The following XIST variants were observed in gnomAD, a reference collection of about 807,000 sequenced individuals.
XIST encodes X inactive specific transcript.
At chrX:73,841,390 A>C in exon 1 of XIST, 1 of 519,469 alleles carries the variant, frequency 1.9e-6, no homozygotes. Context: ...ACAGTATTCT[A>C]AAGAGCCAGA....
At chrX:73,833,290 C>G (rs1200466770) in exon 3 of XIST, 12 of 556,731 alleles carry the variant, frequency 2.2e-5, no homozygotes, top group Non-Finnish European at 3.9e-5. Flanking sequence ...TGGAGCTTGG[C>G]CAGATTCTCA....
exon 6 of XIST, chrX:73,825,346 G>A: frequency 1.8e-6 from 1 of 558,591 alleles, no homozygotes; most frequent in South Asian, 2.2e-5. Flanking sequence ...ATATCCTTTT[G>A]AAAGAGCACT....
At chrX:73,822,625 C>G (rs1466010727) in exon 6 of XIST, 5 of 516,081 alleles carry the variant, frequency 9.7e-6, no homozygotes, top group Non-Finnish European at 1.7e-5. Flanking sequence ...TAGGATTTAA[C>G]AAAATGGTTG....
At chrX:73,827,886 C>G in exon 6 of XIST, 1 of 527,929 alleles carries the variant, frequency 1.9e-6, no homozygotes, top group Non-Finnish European at 3.4e-6. Context: ...AAGGCACACA[C>G]GAAAGAAATT....
chrX:73,825,817 T>G (rs1922237409), exon 6 of XIST: 1 of 540,967 alleles, frequency 1.8e-6, no homozygotes, highest in Non-Finnish European at 3.3e-6. Flanking sequence ...GTTTTTCTCT[T>G]ATGTTTTACA....
exon 1 of XIST, chrX:73,851,876 T>C: frequency 1.8e-6 from 1 of 558,615 alleles, no homozygotes; most frequent in Non-Finnish European, 3.2e-6. Context: ...TGCAGAGTCA[T>C]TCTCTGCCAA....
At position 73,846,674 on chromosome X, in the gene XIST, G is replaced by A. The variant is rs774949228; in HGVS notation, n.6050C>T. 2.8e-4 allele frequency: 156 copies of A among 557,507 alleles called. 3 individuals are homozygous for A. The Admixed American group carries it at 3.4e-3, about 12-fold the overall frequency. The allele number at this position is 557,507 out of a possible 1,213,427, so 45.9% of individuals were successfully genotyped here. A position where few individuals can be genotyped will look rare whatever the true frequency, so the allele number is the denominator to read the frequency against. On this transcript the variant is annotated non_coding_transcript_exon_variant, in exon 1 of 6. Transcript: ENST00000429829. ...ACTTCCTGCTGGAAGGGAAAAGTGGGGATGAGGGGAGCACTTTCCTTCTCT... is the reference window on the plus strand; with the variant it reads ...ACTTCCTGCTGGAAGGGAAAAGTGGAGATGAGGGGAGCACTTTCCTTCTCT...
chrX:73,842,769 G>T (rs1245587083), exon 1 of XIST: 2 of 556,500 alleles, frequency 3.6e-6, no homozygotes, highest in Non-Finnish European at 6.5e-6. Context: ...AAAGGGCCTT[G>T]TCTGGTCAAC....
intron 5 of XIST, chrX:73,828,111 C>A (rs371610126): frequency 9.2e-6 from 4 of 435,093 alleles, no homozygotes; most frequent in Non-Finnish European, 1.2e-5. Context: ...CAAAAAGTGT[C>A]ATTAGTAATT....
exon 1 of XIST, chrX:73,850,070 T>C: frequency 1.8e-6 from 1 of 558,961 alleles, no homozygotes. Flanking sequence ...GATTAGTCAA[T>C]TAGTGCAGCA....
rs758886036 is a variant in XIST at position 73,847,283 on chromosome X, A to G, written n.5441T>C. ...GGATTCTACTCTAACATAGGGGCACATCAACTACTGCTAATTATGCGCATT... is the reference window on the plus strand; with the variant it reads ...GGATTCTACTCTAACATAGGGGCACGTCAACTACTGCTAATTATGCGCATT... On this transcript the variant is annotated non_coding_transcript_exon_variant, in exon 1 of 6. Transcript: ENST00000429829. The G allele has an allele frequency of 1.8e-5, 10 of 554,111 alleles. No individual in the cohort carries two copies. The South Asian group carries it at 2.3e-4, about 13-fold the overall frequency. The allele number at this position is 554,111 out of a possible 1,213,427, so 45.7% of individuals were successfully genotyped here. A position where few individuals can be genotyped will look rare whatever the true frequency, so the allele number is the denominator to read the frequency against.
exon 6 of XIST, chrX:73,826,267 C>A: frequency 1.8e-6 from 1 of 559,036 alleles, no homozygotes; most frequent in Non-Finnish European, 3.2e-6. Flanking sequence ...AACAACCTGA[C>A]CATTTTATCT....
chrX:73,851,540 C>T, exon 1 of XIST: 2 of 559,127 alleles, frequency 3.6e-6, no homozygotes, highest in East Asian at 3.2e-5. Flanking sequence ...TGAGCAATGC[C>T]GCAATGTCAA....
chrX:73,837,258 T>TA (rs769034574), intron 2 of XIST, among the ~76,000 whole-genome samples: 2 of 111,756 alleles, frequency 1.8e-5, no homozygotes, highest in Non-Finnish European at 3.8e-5. Flanking sequence ...GTACTCTTGA[T>TA]AAGTGATAAG....
Position 73,848,214 on chromosome X carries a change from C to A in XIST, n.4510G>T, listed in dbSNP as rs767110706. 13 of 554,951 alleles carry A rather than the reference C, an allele frequency of 2.3e-5. No individual in the cohort carries two copies. In the East Asian group the frequency reaches 3.9e-4, roughly 17 times the overall value. 45.7% of individuals were successfully genotyped at this position (554,951 alleles called of 1,213,427 possible). ...TTATGCGCATTAACAGTCCCAAGTA[C>A]CCCCTGCTGTAAGACAAAAGGAATA... On this transcript the variant is annotated non_coding_transcript_exon_variant, in exon 1 of 6. Coordinates refer to ENST00000429829, the Ensembl canonical transcript of XIST.
At chrX:73,821,359 C>A (rs780761574) in exon 6 of XIST, 2 of 553,983 alleles carry the variant, frequency 3.6e-6, no homozygotes, top group East Asian at 3.3e-5. Context: ...ACAATAAAGT[C>A]CTCTTCTTTT....
At chrX:73,847,092 G>C (rs1922791095) in exon 1 of XIST, 4 of 559,253 alleles carry the variant, frequency 7.2e-6, no homozygotes, top group Non-Finnish European at 1.3e-5. Flanking sequence ...TAGTCTAAGG[G>C]TCTTAAGTAG....
At chrX:73,822,727 G>A (rs1201385107) in exon 6 of XIST, 2 of 542,449 alleles carry the variant, frequency 3.7e-6, no homozygotes, top group Non-Finnish European at 6.6e-6. Context: ...ATGCCTTTTG[G>A]AGCAGATATA....
At chrX:73,838,087 G>T (rs1922518837) in intron 1 of XIST, among the ~76,000 whole-genome samples, 1 of 111,551 alleles carries the variant, frequency 9.0e-6, no homozygotes, top group Non-Finnish European at 1.9e-5. Context: ...CTAATTTTCA[G>T]TCAAGGGAGA....
Sources: allele counts gnomAD v4.1 joint callset (sites outside exome capture counted in the v4.1 genomes callset), GRCh38; gene constraint gnomAD v4.1.1; transcripts MANE v1.5; gene names NCBI Gene and HGNC (gene_info 2026-07-23, HGNC 2026-07-21).